PDCD1: variants seen among roughly 807,000 people sequenced by gnomAD.
The protein encoded by PDCD1 is programmed cell death protein 1.
A neutral mutation model predicts 23.6 loss-of-function variants in PDCD1; 10 were observed. That is an observed-to-expected ratio of 0.42 (90% CI 0.26 to 0.72). The LOEUF (loss-of-function observed/expected upper bound fraction) is 0.72. Among genes scored for constraint, PDCD1 ranks in the 30% least tolerant of loss-of-function variants. PDCD1 has a pLI of 0.24. For synonymous variants in PDCD1, 168 were observed against 169.3 expected (o/e 0.99, Z 0.06); for missense variants, 313 against 397.8 (o/e 0.79, Z 1.81).
intron 1 of PDCD1, among the ~76,000 whole-genome samples, chr2:241,854,687 G>A (rs373098337): frequency 2.5e-4 from 38 of 152,278 alleles, no homozygotes; most frequent in African/African-American, 8.4e-4. Context: ...TGCCCTCTGG[G>A]TTTCTGGGAA....
intron 1 of PDCD1, among the ~76,000 whole-genome samples, chr2:241,854,511 C>T (rs1700973104): frequency 6.6e-6 from 1 of 152,206 alleles, no homozygotes; most frequent in African/African-American, 2.4e-5. Context: ...GGCCAGCAGG[C>T]AGCCAGGCCA....
chr2:241,857,699 A>G (rs1317483805), intron 1 of PDCD1, among the ~76,000 whole-genome samples: 1 of 152,144 alleles, frequency 6.6e-6, no homozygotes, highest in Non-Finnish European at 1.5e-5. Context: ...GCCGGGGAGC[A>G]GGCCCCGGGA....
Position 241,852,856 on chromosome 2 carries a change from C to T in PDCD1, c.201G>A (p.Trp67Ter), listed in dbSNP as rs1700935524. ...TCTGGTTGCTGGGGCTCATGCGGTACCAGTTTAGCACGAAGCTCTCCGATG... is the reference window on the plus strand; with the variant it reads ...TCTGGTTGCTGGGGCTCATGCGGTATCAGTTTAGCACGAAGCTCTCCGATG... ...SNTSESFVLN[W>*]YRMSPSNQTD... The change falls in exon 2 of 5, where the codon TGG (tryptophan) becomes TGA (stop). Residue 67 changes from tryptophan to a stop codon, truncating the protein, a stop_gained. Coordinates refer to ENST00000334409, the MANE Select transcript of PDCD1 (RefSeq NM_005018.3). LOFTEE classifies it high-confidence loss of function. 1 of 1,607,386 alleles carries T rather than the reference C, an allele frequency of 6.2e-7. No individual in the cohort carries two copies. Among genetic ancestry groups the T allele is most frequent in the African/African-American group, 1.3e-5 (1 of 74,902 alleles).
intron 1 of PDCD1, among the ~76,000 whole-genome samples, chr2:241,855,124 C>A (rs369846242): frequency 2.0e-5 from 3 of 152,180 alleles, no homozygotes; most frequent in African/African-American, 4.8e-5. Flanking sequence ...TCCGCCCCCC[C>A]CAACCCCCCT....
At chr2:241,858,535 C>T (rs2124871658) in intron 1 of PDCD1, among the ~76,000 whole-genome samples, 1 of 138,882 alleles carries the variant, frequency 7.2e-6, no homozygotes, top group Middle Eastern at 3.4e-3. Context: ...CCCAAAGCCA[C>T]ACAGCTCAGG....
chr2:241,858,561 G>A (rs1237300378), intron 1 of PDCD1, among the ~76,000 whole-genome samples: 2 of 147,158 alleles, frequency 1.4e-5, no homozygotes, highest in African/African-American at 2.5e-5. Context: ...GGGCAGAGCT[G>A]GGGGCCAAGG....
intron 1 of PDCD1, among the ~76,000 whole-genome samples, chr2:241,855,929 C>T (rs984483640): frequency 7.9e-5 from 12 of 152,176 alleles, no homozygotes; most frequent in Admixed American, 7.2e-4. Context: ...AAGTCCTAAC[C>T]CCATGACCTC....
chr2:241,856,763 G>A (rs1701037209), intron 1 of PDCD1, among the ~76,000 whole-genome samples: 1 of 151,536 alleles, frequency 6.6e-6, no homozygotes, highest in African/African-American at 2.4e-5. Flanking sequence ...GGTCGAGTGA[G>A]CCGAGATCAC....
At position 241,850,648 on chromosome 2, in the gene PDCD1, C is replaced by T. The variant is rs1700879777; in HGVS notation, c.*410G>A. 1 of 477,280 alleles carries T rather than the reference C, an allele frequency of 2.1e-6. No individual in the cohort carries two copies. Among genetic ancestry groups the T allele is most frequent in the Non-Finnish European group, 3.9e-6 (1 of 256,270 alleles). 29.6% of individuals were successfully genotyped at this position (477,280 alleles called of 1,614,324 possible). A position where few individuals can be genotyped will look rare whatever the true frequency, so the allele number is the denominator to read the frequency against. On this transcript the variant is annotated 3_prime_UTR_variant, in exon 5 of 5. Coordinates refer to ENST00000334409, the MANE Select transcript of PDCD1 (RefSeq NM_005018.3). The stretch of plus-strand genomic sequence containing the variant: ...ACCTTGGCTGCTCCAAGGCCATCTC[C>T]AACCAGCCCCCAAGTTCAGGCAGGA...
intron 1 of PDCD1, among the ~76,000 whole-genome samples, chr2:241,855,330 G>C (rs1700999983): frequency 6.6e-6 from 1 of 152,000 alleles, no homozygotes; most frequent in African/African-American, 2.4e-5. Flanking sequence ...CCCCACGCAG[G>C]GCCTGCCTCA....
At chr2:241,854,259 C>T (rs540191333) in intron 1 of PDCD1, among the ~76,000 whole-genome samples, 7 of 152,224 alleles carry the variant, frequency 4.6e-5, no homozygotes, top group Admixed American at 6.5e-5. Flanking sequence ...GACAAGCGCT[C>T]GCCTCCTTCA....
chr2:241,857,788 G>T (rs1024517546), intron 1 of PDCD1, among the ~76,000 whole-genome samples: 6 of 152,160 alleles, frequency 3.9e-5, no homozygotes, highest in African/African-American at 1.2e-4. Flanking sequence ...AGCCTCGAGG[G>T]GGTGTCAGGG....
intron 1 of PDCD1, among the ~76,000 whole-genome samples, chr2:241,857,939 TGGGCACAGAGGGCCAGCC>T (rs143627472): frequency 0.063 from 9,559 of 152,108 alleles, 1,073 homozygotes; most frequent in East Asian, 0.49. Flanking sequence ...GCAGGCTGGC[TGGGCACAGAGGGCCAGCC>T]GGGCACAGAG....
chr2:241,851,944 C>T lies in PDCD1; in HGVS notation c.627+5G>A. 6.2e-7 allele frequency: 1 copy of T among 1,613,728 alleles called. No individual in the cohort carries two copies. On this transcript the variant is annotated splice_donor_5th_base_variant and intron_variant, in intron 4 of 4. Coordinates refer to ENST00000334409, the MANE Select transcript of PDCD1 (RefSeq NM_005018.3). The stretch of plus-strand genomic sequence containing the variant: ...TGGATCATGCAGGAAAAGAGTGAGA[C>T]TCACCAGGGGCTGGCCGGTGCGCCT...
chr2:241,853,862 T>C (rs1003954062), intron 1 of PDCD1, among the ~76,000 whole-genome samples: 8 of 152,224 alleles, frequency 5.3e-5, no homozygotes, highest in African/African-American at 1.9e-4. Flanking sequence ...AGCCCCACAC[T>C]GTCAGACCCA....
rs544843762 is a variant in PDCD1, at chr2:241,858,859, A to G, written c.-21T>C. ...TGCATGCCTGGAGCAGCCCCACCAG[A>G]GTGCCGCCTTCTCCACTGCTCAGGC... On this transcript the variant is annotated 5_prime_UTR_variant, in exon 1 of 5. Transcript: ENST00000334409. The G allele has an allele frequency of 5.8e-6, 9 of 1,557,432 alleles. No individual in the cohort carries two copies. The East Asian group carries it at 2.1e-4, about 37-fold the overall frequency.
intron 1 of PDCD1, among the ~76,000 whole-genome samples, chr2:241,854,422 G>A (rs7419870): frequency 0.61 from 92,585 of 152,034 alleles, 28,431 homozygotes; most frequent in South Asian, 0.76. Flanking sequence ...AGGCGTGTGC[G>A]GCGTGGGCCC....
intron 1 of PDCD1, among the ~76,000 whole-genome samples, chr2:241,853,521 G>C (rs7420347): frequency 0.28 from 42,224 of 152,286 alleles, 6,747 homozygotes; most frequent in South Asian, 0.37. Context: ...CCTGGGCAGT[G>C]GGCAGTGGGG....
At position 241,851,187 on chromosome 2, in the gene PDCD1, C is replaced by A. The variant is rs765660934; in HGVS notation, c.738G>T (p.Thr246=). The change falls in exon 5 of 5, where the codon ACG becomes ACT. Residue 246 remains threonine, a synonymous_variant. Coordinates refer to ENST00000334409, the MANE Select transcript of PDCD1 (RefSeq NM_005018.3). ...EPPVPCVPEQ[T]EYATIVFPSG... ...TAGGAAAGACAATGGTGGCATACTC[C>A]GTCTGCTCAGGGACACAGGGCACGG... 2 of 1,613,674 alleles carry A rather than the reference C, an allele frequency of 1.2e-6. No individual in the cohort carries two copies. Among genetic ancestry groups the A allele is most frequent in the South Asian group, 1.1e-5 (1 of 91,080 alleles).
Sources: allele counts gnomAD v4.1 joint callset (sites outside exome capture counted in the v4.1 genomes callset), GRCh38; gene constraint gnomAD v4.1.1; transcripts MANE v1.5; gene names NCBI Gene and HGNC (gene_info 2026-07-23, HGNC 2026-07-21).